The following ST3GAL1 variants were observed in gnomAD, a reference collection of about 807,000 sequenced individuals.
The protein encoded by ST3GAL1 is ST3 beta-galactoside alpha-2,3-sialyltransferase 1.
ST3GAL1 carries 16 observed loss-of-function variants against 34.1 expected under a neutral mutation model. The ratio of observed to expected loss-of-function variants is 0.47; its 90% CI spans 0.32 to 0.71. ST3GAL1 has a LOEUF of 0.71. Among genes scored for constraint, ST3GAL1 ranks in the 30% least tolerant of loss-of-function variants. The pLI, the probability that ST3GAL1 is intolerant of heterozygous loss-of-function variation, is 0.04. For missense variants in ST3GAL1, 353 were observed against 447.4 expected (o/e 0.79, Z 1.90); for synonymous variants, 191 against 184.7 (o/e 1.03, Z -0.28).
At chr8:133,519,783 T>TAA (rs11414086) in intron 2 of ST3GAL1, among the ~76,000 whole-genome samples, 66 of 150,572 alleles carry the variant, frequency 4.4e-4, no homozygotes, top group Non-Finnish European at 8.1e-4. Context: ...CCATGTCTAC[T>TAA]AAAAAAAAAT....
At chr8:133,492,816 T>G (rs1255912063) in intron 3 of ST3GAL1, among the ~76,000 whole-genome samples, 1 of 152,228 alleles carries the variant, frequency 6.6e-6, no homozygotes, top group Non-Finnish European at 1.5e-5. Flanking sequence ...CTGGTCTCTC[T>G]GGATGGCGCC....
At position 133,455,052 on chromosome 8, in the gene ST3GAL1, C is replaced by T. The variant is rs974603318; in HGVS notation, c.*4712G>A. On this transcript the variant is annotated 3_prime_UTR_variant, in exon 10 of 10. Transcript: ENST00000522652. ...ATTTAAAAACACCAACACCCAAACA[C>T]ACAAGACTGCACACAAGAAAAAGTG... The T allele has an allele frequency of 2.6e-5, 4 of 152,222 alleles. No individual in the cohort carries two copies. Among genetic ancestry groups the T allele is most frequent in the African/African-American group, 4.8e-5 (2 of 41,438 alleles). 9.4% of individuals were successfully genotyped at this position (152,222 alleles called of 1,614,324 possible). A position where few individuals can be genotyped will look rare whatever the true frequency, so the allele number is the denominator to read the frequency against.
chr8:133,461,048 G>T lies in ST3GAL1; in HGVS notation c.849+827C>A, dbSNP rs1815479922. 6.6e-6 allele frequency among the ~76,000 whole-genome samples: 1 copy of T among 152,132 alleles called. No homozygotes were observed. Reference sequence around the variant, plus strand: ...CTCTTGAGCAGAACCTCAAGCAAGGGTCTGGGACCAGCTGGCTGGAGGTGG... The same window carrying T: ...CTCTTGAGCAGAACCTCAAGCAAGGTTCTGGGACCAGCTGGCTGGAGGTGG... On this transcript the variant is annotated intron_variant, in intron 9 of 9. Coordinates refer to ENST00000522652, the MANE Select transcript of ST3GAL1 (RefSeq NM_173344.3). This position sits in a 1 kb window ranked among gnomAD's most constrained non-coding sequence, Gnocchi z 4.7.
intron 5 of ST3GAL1, among the ~76,000 whole-genome samples, chr8:133,470,576 G>A (rs947956417): frequency 4.6e-5 from 7 of 152,308 alleles, no homozygotes; most frequent in African/African-American, 7.2e-5. Flanking sequence ...AATGCCTGCC[G>A]CCTGGTGGCC....
chr8:133,534,251 G>A (rs975949935), intron 2 of ST3GAL1, among the ~76,000 whole-genome samples: 2 of 152,126 alleles, frequency 1.3e-5, no homozygotes, highest in Non-Finnish European at 2.9e-5. Flanking sequence ...TTTAGAGACT[G>A]AGAAAGTGTT....
At chr8:133,567,502 C>T (rs1380022999) in intron 1 of ST3GAL1, among the ~76,000 whole-genome samples, 1 of 152,170 alleles carries the variant, frequency 6.6e-6, no homozygotes, top group Non-Finnish European at 1.5e-5. Flanking sequence ...TTTCTAAGGT[C>T]ATGTTCAGCT....
chr8:133,486,740 C>T (rs953070137), intron 3 of ST3GAL1, among the ~76,000 whole-genome samples: 2 of 152,196 alleles, frequency 1.3e-5, no homozygotes, highest in Non-Finnish European at 2.9e-5. Context: ...CCTGAGGCTC[C>T]CTGCGCCTCC....
chr8:133,548,322 T>C, intron 1 of ST3GAL1, among the ~76,000 whole-genome samples: 1 of 152,042 alleles, frequency 6.6e-6, no homozygotes, highest in East Asian at 1.9e-4. Context: ...CCTTCCCCAT[T>C]CCCTCTGTAC....
At chr8:133,551,556 A>C (rs548237913) in intron 1 of ST3GAL1, among the ~76,000 whole-genome samples, 141 of 121,844 alleles carry the variant, frequency 1.2e-3, no homozygotes, top group African/African-American at 4.3e-3. Flanking sequence ...GAAAGAAAGA[A>C]AGAAAGAAAG....
intron 8 of ST3GAL1, among the ~76,000 whole-genome samples, chr8:133,463,098 C>T (rs1454652395): frequency 6.6e-6 from 1 of 152,232 alleles, no homozygotes; most frequent in Non-Finnish European, 1.5e-5. Context: ...CCGCAGCAAG[C>T]ACAGGGGTCC....
At chr8:133,506,678 A>G (rs1817349548) in intron 2 of ST3GAL1, among the ~76,000 whole-genome samples, 1 of 152,092 alleles carries the variant, frequency 6.6e-6, no homozygotes, top group Admixed American at 6.6e-5. Flanking sequence ...CCAGCTACTC[A>G]GGAGGCTGAG....
rs114051207 is a variant in ST3GAL1, at chr8:133,542,756, G to A, written c.-429+3018C>T. Among the ~76,000 whole-genome samples the A allele has an allele frequency of 7.5e-3, 1,043 of 139,692 alleles. 9 individuals carry two copies. The highest frequency in any genetic ancestry group is 0.027 in the African/African-American group (968 of 36,100). The allele number at this position is 139,692 out of a possible 152,430, so 91.6% of individuals were successfully genotyped here. A position where few individuals can be genotyped will look rare whatever the true frequency, so the allele number is the denominator to read the frequency against. The stretch of plus-strand genomic sequence containing the variant: ...AGATTGCACCACTGCATTCCAGCCT[G>A]GGTGAAAGTAACTCCTCCATCTCAA... On this transcript the variant is annotated intron_variant, in intron 2 of 9. Transcript: ENST00000522652.
chr8:133,544,279 G>A (rs76018221), intron 2 of ST3GAL1, among the ~76,000 whole-genome samples: 10,696 of 152,210 alleles, frequency 0.07, 1,221 homozygotes, highest in African/African-American at 0.24. Flanking sequence ...GCACCAAGCA[G>A]AACCTCCTGC....
At chr8:133,462,122 T>C (rs2130916187) in intron 8 of ST3GAL1, 128 bp from the exon 9 acceptor site, 1 of 1,384,098 alleles carries the variant, frequency 7.2e-7, no homozygotes. Context: ...CGCCTGCACT[T>C]GTGGGCTTCC....
In ST3GAL1 at chr8:133,556,912, G is replaced by A. The variant is rs1464900631; in HGVS notation, c.-581-10986C>T. Reference sequence around the variant, plus strand: ...GCAGCGGTGCTATTAATGCAGGCAGGGAGACCAGATATACTGGGTCTCGAG... The same window carrying A: ...GCAGCGGTGCTATTAATGCAGGCAGAGAGACCAGATATACTGGGTCTCGAG... On this transcript the variant is annotated intron_variant, in intron 1 of 9. Coordinates refer to ENST00000522652, the MANE Select transcript of ST3GAL1 (RefSeq NM_173344.3). The surrounding 1 kb of genome is among the most constrained non-coding windows in gnomAD (Gnocchi z 8.9). Among the ~76,000 whole-genome samples, 1 of 152,166 alleles carries A rather than the reference G, an allele frequency of 6.6e-6. No homozygotes were observed. Among genetic ancestry groups the A allele is most frequent in the Non-Finnish European group, 1.5e-5 (1 of 68,040 alleles).
chr8:133,473,190 G>A (rs142158985), intron 5 of ST3GAL1, among the ~76,000 whole-genome samples: 6 of 152,246 alleles, frequency 3.9e-5, no homozygotes, highest in South Asian at 2.1e-4. Context: ...CCTCCTGGGC[G>A]ACACCAGCCT....
In ST3GAL1 at chr8:133,492,077, A is replaced by T. The variant is rs532149542; in HGVS notation, c.-374+7058T>A. Among the ~76,000 whole-genome samples the T allele has an allele frequency of 5.9e-5, 9 of 152,280 alleles. 1 individual carries two copies. Among genetic ancestry groups the T allele is most frequent in the Admixed American group, 5.9e-4 (9 of 15,294 alleles). Reference sequence around the variant, plus strand: ...ATGCTCAGAGCAGCTGAGGCCTGGCAGCCCTGGTGAGGCTCGGGATGGACG... The same window carrying T: ...ATGCTCAGAGCAGCTGAGGCCTGGCTGCCCTGGTGAGGCTCGGGATGGACG... On this transcript the variant is annotated intron_variant, in intron 3 of 9. Transcript: ENST00000522652.
intron 1 of ST3GAL1, among the ~76,000 whole-genome samples, chr8:133,551,273 T>C (rs1193049165): frequency 6.6e-6 from 1 of 151,958 alleles, no homozygotes; most frequent in Non-Finnish European, 1.5e-5. Flanking sequence ...ATCAAGATTA[T>C]CCTGGCCAAC....
intron 1 of ST3GAL1, among the ~76,000 whole-genome samples, chr8:133,559,627 G>A (rs1373076257): frequency 6.6e-6 from 1 of 152,168 alleles, no homozygotes; most frequent in Admixed American, 6.5e-5. Context: ...TCTCCACCAG[G>A]TGGTAGGATT....
Sources: allele counts gnomAD v4.1 joint callset (sites outside exome capture counted in the v4.1 genomes callset), GRCh38; gene constraint gnomAD v4.1.1; non-coding constraint Gnocchi (gnomAD v3.1); transcripts MANE v1.5; gene names NCBI Gene and HGNC (gene_info 2026-07-23, HGNC 2026-07-21).